The following RASEF variants were observed in gnomAD, a reference collection of about 807,000 sequenced individuals.
The protein encoded by RASEF is RAS and EF-hand domain containing.
A neutral mutation model predicts 90.1 loss-of-function variants in RASEF; 68 were observed. The ratio of observed to expected loss-of-function variants is 0.75; its 90% CI spans 0.62 to 0.92. RASEF has a LOEUF of 0.92. Ranked by LOEUF, RASEF falls within the 40% of genes least tolerant of loss-of-function variation. The pLI, the probability that RASEF is intolerant of heterozygous loss-of-function variation, is 0.00. For missense variants in RASEF, 949 were observed against 937.2 expected (o/e 1.01, Z -0.16); for synonymous variants, 331 against 345.2 (o/e 0.96, Z 0.46).
the RASEF span, among the ~76,000 whole-genome samples, chr9:83,216,501 C>A: frequency 2.2e-4 from 34 of 152,236 alleles, no homozygotes; most frequent in Middle Eastern, 3.4e-3. Flanking sequence ...CTTGAGCCTG[C>A]GGGTACACAA....
intron 1 of RASEF, chr9:83,055,324 C>G: frequency 5.0e-6 from 2 of 399,076 alleles, no homozygotes; most frequent in South Asian, 2.3e-5. Flanking sequence ...GCGTCCGTCA[C>G]CCCTTTCTTT....
At chr9:83,195,871 T>C in the RASEF span, among the ~76,000 whole-genome samples, 1 of 152,046 alleles carries the variant, frequency 6.6e-6, no homozygotes, top group Non-Finnish European at 1.5e-5. Flanking sequence ...TCACTTTGAT[T>C]GTCAGGCATG....
chr9:83,014,329 A>G (rs1020688192), intron 4 of RASEF, among the ~76,000 whole-genome samples: 2 of 152,056 alleles, frequency 1.3e-5, no homozygotes, highest in Non-Finnish European at 2.9e-5. Flanking sequence ...CCACTTTCAG[A>G]GATGATTTTT....
the RASEF span, among the ~76,000 whole-genome samples, chr9:83,183,868 A>G: frequency 6.6e-6 from 1 of 152,228 alleles, no homozygotes; most frequent in Non-Finnish European, 1.5e-5. Context: ...TTTGGTGGCC[A>G]TTTGCCAATA....
At chr9:83,052,903 A>C (rs374092453) in intron 1 of RASEF, among the ~76,000 whole-genome samples, 2 of 149,084 alleles carry the variant, frequency 1.3e-5, no homozygotes, top group African/African-American at 5.1e-5. Context: ...ACTGTGGTCA[A>C]AGAGATAGTT....
chr9:83,102,645 C>T, the RASEF span, among the ~76,000 whole-genome samples: 4 of 152,212 alleles, frequency 2.6e-5, no homozygotes, highest in Admixed American at 2.6e-4. Context: ...GAGGGAAAAA[C>T]GTGGGCAAGA....
At chr9:83,139,495 A>G in the RASEF span, among the ~76,000 whole-genome samples, 1 of 152,230 alleles carries the variant, frequency 6.6e-6, no homozygotes. Flanking sequence ...CAATAAACTG[A>G]GGAAAAATGT....
At chr9:83,213,266 G>A in the RASEF span, among the ~76,000 whole-genome samples, 1 of 151,818 alleles carries the variant, frequency 6.6e-6, no homozygotes, top group Non-Finnish European at 1.5e-5. Flanking sequence ...GGGGCATGGT[G>A]GCATGTGCCT....
chr9:83,062,939 GC>G lies in RASEF; in HGVS notation c.-73del, dbSNP rs1564093262. 1.5e-6 allele frequency: 2 copies of G among 1,340,194 alleles called. No homozygotes were observed. Among genetic ancestry groups the G allele is most frequent in the African/African-American group, 3.1e-5 (2 of 64,536 alleles). 83.0% of individuals were successfully genotyped at this position (1,340,194 alleles called of 1,614,324 possible). A position where few individuals can be genotyped will look rare whatever the true frequency, so the allele number is the denominator to read the frequency against. ...GCAGGGCCCTCCCTGGAAGGACGGG[GC>G]CACCTGCTGCCGCCGGGAGGCCCGG... On this transcript the variant is annotated 5_prime_UTR_variant, in exon 1 of 17. Coordinates refer to ENST00000376447, the MANE Select transcript of RASEF (RefSeq NM_152573.4).
At chr9:83,117,498 G>C in the RASEF span, among the ~76,000 whole-genome samples, 2 of 152,170 alleles carry the variant, frequency 1.3e-5, no homozygotes, top group African/African-American at 4.8e-5. Context: ...CTTTCTAGAT[G>C]TTTCCTGCTG....
chr9:83,061,826 C>T lies in RASEF; in HGVS notation c.431+611G>A, dbSNP rs144828420. On this transcript the variant is annotated intron_variant, in intron 1 of 16. Coordinates refer to ENST00000376447, the MANE Select transcript of RASEF (RefSeq NM_152573.4). ...TCTCTGCTGTTTAACTGGGCAAGTC[C>T]CTTAACGTCTGTCTAATTTCTAGGT... Among the ~76,000 whole-genome samples, 237 of 152,256 alleles carry T rather than the reference C, an allele frequency of 1.6e-3. 1 individual carries two copies. Among genetic ancestry groups the T allele is most frequent in the African/African-American group, 5.5e-3 (228 of 41,552 alleles).
At chr9:83,081,680 C>G in the RASEF span, among the ~76,000 whole-genome samples, 1 of 152,194 alleles carries the variant, frequency 6.6e-6, no homozygotes, top group Non-Finnish European at 1.5e-5. Context: ...ACATTCTTTT[C>G]TTCATAACAG....
the RASEF span, among the ~76,000 whole-genome samples, chr9:83,211,776 A>T: frequency 2.0e-5 from 3 of 152,216 alleles, no homozygotes; most frequent in African/African-American, 7.2e-5. Flanking sequence ...CCTGTCACTT[A>T]TTAGAGATGG....
At chr9:83,140,813 G>GA in the RASEF span, among the ~76,000 whole-genome samples, 1 of 152,100 alleles carries the variant, frequency 6.6e-6, no homozygotes, top group South Asian at 2.1e-4. Context: ...ACAAAATTAA[G>GA]AAAAAATTGA....
At position 83,063,069 on chromosome 9, in the gene RASEF, A is replaced by C. The variant is rs543243209; in HGVS notation, c.-202T>G. 1.9e-6 allele frequency: 1 copy of C among 537,554 alleles called. No homozygotes were observed. The highest frequency in any genetic ancestry group is 4.4e-5 in the Admixed American group (1 of 22,966). 33.3% of individuals were successfully genotyped at this position (537,554 alleles called of 1,614,324 possible). A position where few individuals can be genotyped will look rare whatever the true frequency, so the allele number is the denominator to read the frequency against. ...GCTCCCTTCGACGACGGTTCGGGCC[A>C]GCCCCCAACAGGTCCCGGGAGCGGT... On this transcript the variant is annotated 5_prime_UTR_variant, in exon 1 of 17. Transcript: ENST00000376447.
intron 14 of RASEF, among the ~76,000 whole-genome samples, chr9:82,995,514 G>A (rs1039308295): frequency 7.2e-5 from 11 of 152,018 alleles, no homozygotes; most frequent in Admixed American, 3.9e-4. Flanking sequence ...GCACAATCAC[G>A]GCTTACTTCA....
the RASEF span, among the ~76,000 whole-genome samples, chr9:83,125,206 C>T: frequency 6.6e-6 from 1 of 152,112 alleles, no homozygotes; most frequent in Non-Finnish European, 1.5e-5. Context: ...TTCAGCTGGG[C>T]TCTCCTCCGC....
chr9:83,049,687 C>T (rs1476773676), intron 1 of RASEF, among the ~76,000 whole-genome samples: 3 of 134,468 alleles, frequency 2.2e-5, no homozygotes, highest in African/African-American at 8.5e-5. Context: ...CTATCCCTTC[C>T]CCCCTCCCCC....
At chr9:83,202,420 T>C in the RASEF span, among the ~76,000 whole-genome samples, 6 of 152,256 alleles carry the variant, frequency 3.9e-5, no homozygotes, top group East Asian at 1.9e-4. Context: ...ATTGTAATGA[T>C]AGAAAGCTTT....
Sources: allele counts gnomAD v4.1 joint callset (sites outside exome capture counted in the v4.1 genomes callset), GRCh38; gene constraint gnomAD v4.1.1; transcripts MANE v1.5; gene names NCBI Gene and HGNC (gene_info 2026-07-23, HGNC 2026-07-21).